Variants in KAZN observed in about 807,000 individuals in gnomAD.
The protein encoded by KAZN is kazrin.
In KAZN, 40 loss-of-function variants were observed where a neutral mutation model predicts 87.4. The ratio of observed to expected loss-of-function variants is 0.46; its 90% CI spans 0.36 to 0.60. The LOEUF (loss-of-function observed/expected upper bound fraction) is 0.60. KAZN is among the 20% of genes least tolerant of loss of function. The pLI, the probability that KAZN is intolerant of heterozygous loss-of-function variation, is 0.00. For synonymous variants in KAZN, 466 were observed against 458.3 expected, an observed-to-expected ratio of 1.02 and a Z score of -0.22; for missense variants, 898 against 1,073.9, an observed-to-expected ratio of 0.84 and a Z score of 2.29.
chr1:14,122,910 A>G (rs770744632), intron 1 of KAZN, among the ~76,000 whole-genome samples: 5 of 152,186 alleles, frequency 3.3e-5, no homozygotes, highest in African/African-American at 7.2e-5. Context: ...TTTTTTGTCT[A>G]TGGCTACTGC....
At chr1:14,411,820 T>TA (rs1193702106) in intron 2 of KAZN, among the ~76,000 whole-genome samples, 3 of 151,896 alleles carry the variant, frequency 2.0e-5, no homozygotes, top group Non-Finnish European at 4.4e-5. Context: ...CAGACAGTAA[T>TA]AACACGTAAC....
chr1:15,059,623 A>G (rs1423362482), intron 5 of KAZN, among the ~76,000 whole-genome samples: 1 of 151,910 alleles, frequency 6.6e-6, no homozygotes, highest in Non-Finnish European at 1.5e-5. Context: ...ATTTGGGGCA[A>G]TGTTTTGGAG....
intron 2 of KAZN, among the ~76,000 whole-genome samples, chr1:14,193,879 C>A (rs549570132): frequency 3.3e-5 from 5 of 151,990 alleles, no homozygotes; most frequent in Non-Finnish European, 7.4e-5. Context: ...GCATAGCAGG[C>A]GGCTGTGTTT....
chr1:14,373,431 G>C (rs763636432), intron 2 of KAZN, among the ~76,000 whole-genome samples: 1 of 152,174 alleles, frequency 6.6e-6, no homozygotes, highest in Non-Finnish European at 1.5e-5. Flanking sequence ...AAGTCAGGCA[G>C]AGAGACAGAA....
intron 1 of KAZN, among the ~76,000 whole-genome samples, chr1:14,772,449 A>G (rs1186606281): frequency 6.6e-6 from 1 of 151,922 alleles, no homozygotes; most frequent in African/African-American, 2.4e-5. Flanking sequence ...GCACCATGAC[A>G]TTCTAGCCTG....
At chr1:14,634,734 G>A (rs1249827126) in intron 1 of KAZN, among the ~76,000 whole-genome samples, 1 of 152,182 alleles carries the variant, frequency 6.6e-6, no homozygotes, top group South Asian at 2.1e-4. Flanking sequence ...GGGTCAAAAG[G>A]TGCTGACCAG....
intron 2 of KAZN, among the ~76,000 whole-genome samples, chr1:14,414,958 AG>A (rs1309695917): frequency 1.3e-5 from 2 of 152,138 alleles, no homozygotes; most frequent in African/African-American, 2.4e-5. Flanking sequence ...CCCAGGAGGT[AG>A]AAGTTGTAGT....
chr1:14,618,929 T>C (rs1678470499), intron 1 of KAZN, among the ~76,000 whole-genome samples: 1 of 152,174 alleles, frequency 6.6e-6, no homozygotes, highest in South Asian at 2.1e-4. Flanking sequence ...GTAGGTCTTC[T>C]TTGGGTCAAG....
At chr1:15,065,865 T>G in intron 8 of KAZN, 112 bp downstream of exon 8, 1 of 1,538,180 alleles carries the variant, frequency 6.5e-7, no homozygotes. Flanking sequence ...CAAGCGAGCG[T>G]GGGTGCGCGT....
chr1:14,275,162 C>G (rs1383297061), intron 2 of KAZN, among the ~76,000 whole-genome samples: 1 of 152,090 alleles, frequency 6.6e-6, no homozygotes, highest in East Asian at 1.9e-4. Context: ...CTTCTGTGAC[C>G]TTTTCTAACC....
At chr1:15,107,292 G>A (rs1272696038) in intron 13 of KAZN, among the ~76,000 whole-genome samples, 1 of 152,220 alleles carries the variant, frequency 6.6e-6, no homozygotes, top group East Asian at 1.9e-4. Context: ...TCCAGCCCAG[G>A]GCCTGCTTCC....
At chr1:15,033,045 A>G (rs1349248357) in intron 2 of KAZN, among the ~76,000 whole-genome samples, 1 of 152,206 alleles carries the variant, frequency 6.6e-6, no homozygotes, top group Non-Finnish European at 1.5e-5. Flanking sequence ...CATTATTCCC[A>G]AAACAATACA....
At chr1:14,118,002 C>G (rs889300786) in intron 1 of KAZN, among the ~76,000 whole-genome samples, 1 of 152,198 alleles carries the variant, frequency 6.6e-6, no homozygotes, top group African/African-American at 2.4e-5. Flanking sequence ...ACTGCTCACT[C>G]TTCTGCTGCC....
At chr1:14,943,596 C>G (rs1003644573) in intron 1 of KAZN, among the ~76,000 whole-genome samples, 1 of 152,272 alleles carries the variant, frequency 6.6e-6, no homozygotes, top group South Asian at 2.1e-4. Flanking sequence ...TGGTATAGAC[C>G]CCCAATTAAT....
chr1:14,097,079 G>A (rs1188423751), intron 1 of KAZN, among the ~76,000 whole-genome samples: 3 of 152,196 alleles, frequency 2.0e-5, no homozygotes, highest in Non-Finnish European at 4.4e-5. Context: ...ACCTTTAGAG[G>A]TGTAGGGGAA....
intron 1 of KAZN, among the ~76,000 whole-genome samples, chr1:13,919,167 G>GCACTT (rs1348841631): frequency 6.6e-6 from 1 of 152,208 alleles, no homozygotes; most frequent in Non-Finnish European, 1.5e-5. Flanking sequence ...AAAGTGCACT[G>GCACTT]CACTTATCTA....
chr1:14,021,892 A>G (rs1640841251), intron 1 of KAZN, among the ~76,000 whole-genome samples: 1 of 151,980 alleles, frequency 6.6e-6, no homozygotes, highest in Non-Finnish European at 1.5e-5. Flanking sequence ...AGATGCAAAC[A>G]GGAAATGATT....
chr1:14,962,359 T>C (rs528952243), intron 2 of KAZN, among the ~76,000 whole-genome samples: 194 of 152,224 alleles, frequency 1.3e-3, no homozygotes, highest in African/African-American at 4.6e-3. Flanking sequence ...GGCGGCAGCA[T>C]TTTGGGTGGT....
At chr1:14,632,503 G>A (rs1679640937) in intron 1 of KAZN, among the ~76,000 whole-genome samples, 1 of 151,696 alleles carries the variant, frequency 6.6e-6, no homozygotes, top group Non-Finnish European at 1.5e-5. Flanking sequence ...AAGATTTATG[G>A]TAGAAGTTCT....
Sources: allele counts gnomAD v4.1 joint callset (sites outside exome capture counted in the v4.1 genomes callset), GRCh38; gene constraint gnomAD v4.1.1; transcripts MANE v1.5; gene names NCBI Gene and HGNC (gene_info 2026-07-23, HGNC 2026-07-21).